The following SMYD3 variants were observed in gnomAD, a reference collection of about 807,000 sequenced individuals.
SMYD3 encodes SET and MYND domain containing 3, also known as histone-lysine N-methyltransferase SMYD3.
SMYD3 carries 36 observed loss-of-function variants against 57.7 expected under a neutral mutation model. That is an observed-to-expected ratio of 0.62 (90% CI 0.48 to 0.82). The LOEUF (loss-of-function observed/expected upper bound fraction) is 0.82, where lower values mean the gene tolerates loss of function less well. Among genes scored for constraint, SMYD3 ranks in the 40% least tolerant of loss-of-function variants. The pLI is 0.00. For synonymous variants in SMYD3, 211 were observed against 195.0 expected (o/e 1.08, Z -0.68); for missense variants, 515 against 538.8 (o/e 0.96, Z 0.44).
chr1:246,374,446 G>T (rs1361429211), intron 1 of SMYD3, among the ~76,000 whole-genome samples: 1 of 152,142 alleles, frequency 6.6e-6, no homozygotes, highest in Admixed American at 6.5e-5. Flanking sequence ...CTCTCACAGT[G>T]TAAGCGTCCT....
chr1:246,153,602 C>T lies in SMYD3; in HGVS notation c.531+173599G>A, dbSNP rs111864096. The stretch of plus-strand genomic sequence containing the variant: ...CTTGCCTTAGCCTCCCCAGAAGCTG[C>T]GCCACCATGCCTGGCTAATTACTTT... On this transcript the variant is annotated intron_variant, in intron 5 of 11. Transcript: ENST00000490107. Among the ~76,000 whole-genome samples the T allele has an allele frequency of 1.8e-3, 280 of 152,174 alleles. 1 individual carries two copies. Among genetic ancestry groups the T allele is most frequent in the African/African-American group, 6.2e-3 (256 of 41,530 alleles).
At chr1:245,826,849 CAA>C (rs10573683) in intron 10 of SMYD3, among the ~76,000 whole-genome samples, 109,901 of 151,688 alleles carry the variant, frequency 0.72, 41,106 homozygotes, top group Non-Finnish European at 0.84. Flanking sequence ...CATCAGATCT[CAA>C]GAGAACTCAC....
At chr1:245,775,066 C>T (rs964960926) in intron 10 of SMYD3, among the ~76,000 whole-genome samples, 2 of 152,128 alleles carry the variant, frequency 1.3e-5, no homozygotes, top group African/African-American at 4.8e-5. Flanking sequence ...CTCCACCTCC[C>T]AGCCGCCTGC....
rs527700005 is a variant in SMYD3 at position 246,185,640 on chromosome 1, T to C, written c.531+141561A>G. 5.3e-5 allele frequency among the ~76,000 whole-genome samples: 8 copies of C among 152,088 alleles called. No individual in the cohort carries two copies. In the East Asian group the frequency reaches 1.6e-3, roughly 29 times the overall value. ...CCACGCCCGGCTAATTTTTTGTATGTTTAGTAGACATGGGGTTTCACCATG... is the reference window on the plus strand; with the variant it reads ...CCACGCCCGGCTAATTTTTTGTATGCTTAGTAGACATGGGGTTTCACCATG... On this transcript the variant is annotated intron_variant, in intron 5 of 11. Transcript: ENST00000490107.
intron 10 of SMYD3, among the ~76,000 whole-genome samples, chr1:245,776,898 C>G (rs2046629246): frequency 6.6e-6 from 1 of 152,220 alleles, no homozygotes; most frequent in Non-Finnish European, 1.5e-5. Flanking sequence ...ACAGCCGTGT[C>G]TATTCATTTA....
At chr1:246,437,628 G>A (rs1263817700) in intron 1 of SMYD3, among the ~76,000 whole-genome samples, 6 of 152,144 alleles carry the variant, frequency 3.9e-5, no homozygotes, top group Non-Finnish European at 5.9e-5. Flanking sequence ...TTATTAATGC[G>A]TGAATTTGTT....
chr1:246,416,171 A>G (rs943080275), intron 1 of SMYD3, among the ~76,000 whole-genome samples: 3 of 152,228 alleles, frequency 2.0e-5, no homozygotes, highest in African/African-American at 7.2e-5. Context: ...AGTTTAAACT[A>G]TGCTACTGGT....
chr1:245,752,276 T>C (rs775737589), intron 11 of SMYD3, among the ~76,000 whole-genome samples: 6 of 152,186 alleles, frequency 3.9e-5, no homozygotes, highest in Non-Finnish European at 7.4e-5. Context: ...CCCTCCGTCC[T>C]GAAAAAGGCC....
intron 5 of SMYD3, among the ~76,000 whole-genome samples, chr1:246,106,274 G>T (rs1286248078): frequency 6.6e-6 from 1 of 152,182 alleles, no homozygotes; most frequent in Non-Finnish European, 1.5e-5. Context: ...CACGACGGCA[G>T]CAGATAAAAT....
In SMYD3 at chr1:245,924,946, G is replaced by A. The variant is rs981338686; in HGVS notation, c.702+2985C>T. Among the ~76,000 whole-genome samples, 6 of 152,062 alleles carry A rather than the reference G, an allele frequency of 3.9e-5. No individual in the cohort carries two copies. The South Asian group carries it at 1.0e-3, about 26-fold the overall frequency. On this transcript the variant is annotated intron_variant, in intron 7 of 11. Coordinates refer to ENST00000490107, the MANE Select transcript of SMYD3 (RefSeq NM_001167740.2). ...CCCAAAGTGCTGAGATTACAGGCAT[G>A]AGCCACGGTGCCCAGCCCTATTCCA...
chr1:245,875,744 T>C (rs2052452659), intron 8 of SMYD3, among the ~76,000 whole-genome samples: 2 of 152,242 alleles, frequency 1.3e-5, no homozygotes, highest in Non-Finnish European at 2.9e-5. Flanking sequence ...TGGGTCATAC[T>C]CATTGTGGGC....
intron 5 of SMYD3, among the ~76,000 whole-genome samples, chr1:246,063,917 G>A (rs2060297610): frequency 6.6e-6 from 1 of 152,200 alleles, no homozygotes; most frequent in Non-Finnish European, 1.5e-5. Flanking sequence ...TGGGATTAGA[G>A]GCGTAAGCCA....
intron 10 of SMYD3, among the ~76,000 whole-genome samples, chr1:245,793,650 C>A (rs947274566): frequency 6.6e-6 from 1 of 151,966 alleles, no homozygotes; most frequent in Non-Finnish European, 1.5e-5. Flanking sequence ...CCAGTGCCCC[C>A]CCAACTGCCC....
At chr1:246,242,936 C>T (rs1298169136) in intron 5 of SMYD3, among the ~76,000 whole-genome samples, 3 of 152,106 alleles carry the variant, frequency 2.0e-5, no homozygotes, top group Non-Finnish European at 4.4e-5. Context: ...AATACAGAAG[C>T]ACCCAGATTA....
intron 1 of SMYD3, among the ~76,000 whole-genome samples, chr1:246,481,607 TACAC>T (rs1553354777): frequency 0.011 from 693 of 61,742 alleles, 67 homozygotes; most frequent in East Asian, 0.029. Context: ...TATATATATA[TACAC>T]ATACATATAT....
intron 5 of SMYD3, among the ~76,000 whole-genome samples, chr1:245,987,976 G>A (rs1167326604): frequency 6.6e-6 from 1 of 152,226 alleles, no homozygotes; most frequent in Non-Finnish European, 1.5e-5. Context: ...ATGGAGGCCA[G>A]AAAACTGTAT....
intron 1 of SMYD3, among the ~76,000 whole-genome samples, chr1:246,466,337 G>C (rs139968241): frequency 0.013 from 1,993 of 152,302 alleles, 39 homozygotes; most frequent in African/African-American, 0.044. Context: ...GGAATACTAT[G>C]CATGCGGCCA....
At chr1:246,013,802 T>C (rs1302867369) in intron 5 of SMYD3, among the ~76,000 whole-genome samples, 1 of 152,142 alleles carries the variant, frequency 6.6e-6, no homozygotes, top group Non-Finnish European at 1.5e-5. Flanking sequence ...AGATGATGTG[T>C]GTTTTTTGTA....
At chr1:246,295,349 G>C (rs147311365) in intron 5 of SMYD3, among the ~76,000 whole-genome samples, 1 of 152,308 alleles carries the variant, frequency 6.6e-6, no homozygotes, top group East Asian at 1.9e-4. Flanking sequence ...TCCTAAGATA[G>C]TAGCCGAGGA....
Sources: allele counts gnomAD v4.1 joint callset (sites outside exome capture counted in the v4.1 genomes callset), GRCh38; gene constraint gnomAD v4.1.1; transcripts MANE v1.5; gene names NCBI Gene and HGNC (gene_info 2026-07-23, HGNC 2026-07-21).